SLC30A5: variants seen among roughly 807,000 people sequenced by gnomAD.
The protein encoded by SLC30A5 is proton-coupled zinc antiporter SLC30A5.
SLC30A5 carries 33 observed loss-of-function variants against 79.6 expected under a neutral mutation model. The ratio of observed to expected loss-of-function variants is 0.41; its 90% CI spans 0.31 to 0.55. SLC30A5 has a LOEUF of 0.55. Among genes scored for constraint, SLC30A5 ranks in the 20% least tolerant of loss-of-function variants. The pLI, the probability that SLC30A5 is intolerant of heterozygous loss-of-function variation, is 0.20. For synonymous variants in SLC30A5, 299 were observed against 319.7 expected, an observed-to-expected ratio of 0.94 and a Z score of 0.69; for missense variants, 788 against 928.1, an observed-to-expected ratio of 0.85 and a Z score of 1.96.
chr5:69,126,834 T>C (rs1746709499), intron 14 of SLC30A5, among the ~76,000 whole-genome samples: 1 of 149,356 alleles, frequency 6.7e-6, no homozygotes, highest in Non-Finnish European at 1.5e-5. Context: ...TGTATATATA[T>C]CCATTGCAGA....
chr5:69,116,486 G>C lies in SLC30A5; in HGVS notation c.1165G>C (p.Gly389Arg), dbSNP rs1406160780. Residue 389 changes from glycine to arginine, a missense_variant, in exon 10 of 16, where the codon GGT becomes CGT. By Grantham distance (125) the Gly-to-Arg change is moderately radical. Around this residue, in one of 3 missense-constraint regions of SLC30A5, gnomAD observed 626 missense variants for 755.5 expected, o/e 0.83. Transcript: ENST00000396591. This position sits in a 1 kb window ranked among gnomAD's most constrained non-coding sequence, Gnocchi z 4.0. The stretch of plus-strand genomic sequence containing the variant: ...AGGAACACCTCTTTATAACTTCATG[G>C]GTGATGCTTTTCAGCATAGCTCTCA... ...PEGTPLYNFMGDAFQHSSQSI... is the reference protein window; with the variant it reads ...PEGTPLYNFMRDAFQHSSQSI... 1 of 1,612,420 alleles carries C rather than the reference G, an allele frequency of 6.2e-7. No individual in the cohort carries two copies. The highest frequency in any genetic ancestry group is 1.1e-5 in the South Asian group (1 of 90,736).
At chr5:69,121,571 G>A in intron 12 of SLC30A5, 123 bp from the exon 13 acceptor site, 1 of 672,122 alleles carries the variant, frequency 1.5e-6, no homozygotes, top group Non-Finnish European at 2.4e-6. Flanking sequence ...ACTTAGTAAG[G>A]TTTTACTGTG....
chr5:69,118,685 A>G (rs965021931), intron 12 of SLC30A5, 57 bp downstream of exon 12: 92 of 1,437,464 alleles, frequency 6.4e-5, no homozygotes, highest in Non-Finnish European at 8.3e-5. Flanking sequence ...AGTTTTTTCT[A>G]TCCTAAAGTT....
chr5:69,110,565 A>C (rs989470376), intron 5 of SLC30A5, among the ~76,000 whole-genome samples: 2 of 152,212 alleles, frequency 1.3e-5, no homozygotes, highest in Admixed American at 6.5e-5. Flanking sequence ...TGGATTGAAG[A>C]GCTTTGTGAG....
chr5:69,097,109 C>CTTTTTTT (rs1228027917), intron 1 of SLC30A5, among the ~76,000 whole-genome samples: 1,267 of 87,892 alleles, frequency 0.014, 5 homozygotes, highest in African/African-American at 0.019. Context: ...CTCTCTTTTT[C>CTTTTTTT]TTTTTTTTTT....
At position 69,125,539 on chromosome 5, in the gene SLC30A5, CA is replaced by C. The variant is rs1327986153; in HGVS notation, c.1998+2125del. Among the ~76,000 whole-genome samples, 58 of 96,300 alleles carry C rather than the reference CA, an allele frequency of 6.0e-4. 1 individual carries two copies. Among genetic ancestry groups the C allele is most frequent in the Admixed American group, 1.1e-3 (10 of 9,200 alleles). 63.2% of individuals were successfully genotyped at this position (96,300 alleles called of 152,430 possible). ...GCGAGACTCTGTCCTTCCCCACACA[CA>C]AAAAAAAAAATTAGGCCTGGCACGG... On this transcript the variant is annotated intron_variant, in intron 14 of 15. Transcript: ENST00000396591.
chr5:69,128,148 TA>T lies in SLC30A5; in HGVS notation c.2127+19del. The T allele has an allele frequency of 6.3e-7, 1 of 1,596,608 alleles. No homozygotes were observed. The highest frequency in any genetic ancestry group is 1.7e-4 in the Middle Eastern group (1 of 5,974). On this transcript the variant is annotated intron_variant, in intron 15 of 15. Transcript: ENST00000396591. ...AGTACAGCAGGTAATCTTTTGTTTTTAAAGTAATTTTAATTGAGGTCATTCA... is the reference window on the plus strand; with the variant it reads ...AGTACAGCAGGTAATCTTTTGTTTTTAAGTAATTTTAATTGAGGTCATTCA...
At chr5:69,097,454 TCCTTTCTTCCCCTTC>T (rs917170772) in intron 1 of SLC30A5, among the ~76,000 whole-genome samples, 1 of 152,022 alleles carries the variant, frequency 6.6e-6, no homozygotes, top group Non-Finnish European at 1.5e-5. Context: ...CTTCATTCCT[TCCTTTCTTCCCCTTC>T]CCTTTCTTTT....
rs1228027917 is a variant in SLC30A5 at position 69,097,109 on chromosome 5, C to CTTTTTTTT, written c.83+2788_83+2795dup. On this transcript the variant is annotated intron_variant, in intron 1 of 15. Coordinates refer to ENST00000396591, the MANE Select transcript of SLC30A5 (RefSeq NM_022902.5). ...TTGTTTCTTCCCTTCCTCTCTTTTTCTTTTTTTTTTTTTTTTTTTTTTTTG... is the reference window on the plus strand; with the variant it reads ...TTGTTTCTTCCCTTCCTCTCTTTTTCTTTTTTTTTTTTTTTTTTTTTTTTTTTTTTTTG... Among the ~76,000 whole-genome samples, 508 of 87,890 alleles carry CTTTTTTTT rather than the reference C, an allele frequency of 5.8e-3. 3 individuals are homozygous for CTTTTTTTT. Among genetic ancestry groups the CTTTTTTTT allele is most frequent in the Middle Eastern group, 8.5e-3 (1 of 118 alleles). 57.7% of individuals were successfully genotyped at this position (87,890 alleles called of 152,430 possible). A position where few individuals can be genotyped will look rare whatever the true frequency, so the allele number is the denominator to read the frequency against.
At chr5:69,123,133 G>A (rs1746579504) in intron 13 of SLC30A5, 66 bp from the exon 14 acceptor site, 3 of 1,066,502 alleles carry the variant, frequency 2.8e-6, no homozygotes, top group Non-Finnish European at 4.1e-6. Context: ...AATATTAGTA[G>A]AATGTATTAA....
chr5:69,109,990 G>A lies in SLC30A5; in HGVS notation c.447+1554G>A, dbSNP rs376321372. ...TATTCAGTATAGATTTAATGACAAA[G>A]GCCTTGAATCAACACGCTTTGTGGG... On this transcript the variant is annotated intron_variant, in intron 5 of 15. Transcript: ENST00000396591. 3.2e-4 allele frequency among the ~76,000 whole-genome samples: 49 copies of A among 152,268 alleles called. No homozygotes were observed. The South Asian group carries it at 9.9e-3, about 31-fold the overall frequency.
At chr5:69,109,872 G>A (rs1746184955) in intron 5 of SLC30A5, among the ~76,000 whole-genome samples, 2 of 152,168 alleles carry the variant, frequency 1.3e-5, no homozygotes, top group South Asian at 4.1e-4. Flanking sequence ...TAGTGAAGGA[G>A]TGGGCTAGGG....
chr5:69,128,250 CTTTTTTTT>C, intron 15 of SLC30A5, 118 bp downstream of exon 15: 2 of 286,484 alleles, frequency 7.0e-6, no homozygotes, highest in Non-Finnish European at 1.2e-5. Context: ...TCTTCCAACT[CTTTTTTTT>C]TTTTTTTTTT....
intron 2 of SLC30A5, among the ~76,000 whole-genome samples, chr5:69,101,551 A>G (rs1349002099): frequency 6.7e-6 from 1 of 148,768 alleles, no homozygotes; most frequent in Non-Finnish European, 1.5e-5. Context: ...TGCTGGGATT[A>G]CAGGCATGAG....
At chr5:69,118,098 A>G (rs1225950162) in intron 11 of SLC30A5, among the ~76,000 whole-genome samples, 2 of 147,242 alleles carry the variant, frequency 1.4e-5, no homozygotes. Flanking sequence ...AATGGTGTGA[A>G]CCCAGGAGGC....
chr5:69,104,425 A>G, intron 3 of SLC30A5: 1 of 1,308,722 alleles, frequency 7.6e-7, no homozygotes, highest in Non-Finnish European at 9.7e-7. Context: ...TACAGGCATG[A>G]GCCACAGCAC....
intron 15 of SLC30A5, among the ~76,000 whole-genome samples, chr5:69,128,620 A>G (rs1746768177): frequency 1.3e-5 from 2 of 152,132 alleles, no homozygotes; most frequent in Admixed American, 6.6e-5. Context: ...TTTGTTTTAT[A>G]TCTAAAAATT....
intron 5 of SLC30A5, 44 bp from the exon 6 acceptor site, chr5:69,113,096 A>T (rs142388071): frequency 2.0e-6 from 3 of 1,497,062 alleles, no homozygotes; most frequent in South Asian, 2.3e-5. Context: ...TTAAAAATCA[A>T]CCCTTGAAAA....
Position 69,130,237 on chromosome 5 carries a change from T to C in SLC30A5, c.*620T>C, listed in dbSNP as rs1165283898. 2 of 152,208 alleles carry C rather than the reference T, an allele frequency of 1.3e-5. No homozygotes were observed. The highest frequency in any genetic ancestry group is 3.2e-3 in the Middle Eastern group (1 of 316). The allele number at this position is 152,208 out of a possible 1,614,324, so 9.4% of individuals were successfully genotyped here. A position where few individuals can be genotyped will look rare whatever the true frequency, so the allele number is the denominator to read the frequency against. Reference sequence around the variant, plus strand: ...GATGTATTACAAAAATCAACCACTCTATAAAATAAATTTTTTTTACTTTTG... The same window carrying C: ...GATGTATTACAAAAATCAACCACTCCATAAAATAAATTTTTTTTACTTTTG... On this transcript the variant is annotated 3_prime_UTR_variant, in exon 16 of 16. Coordinates refer to ENST00000396591, the MANE Select transcript of SLC30A5 (RefSeq NM_022902.5).
Sources: allele counts gnomAD v4.1 joint callset (sites outside exome capture counted in the v4.1 genomes callset), GRCh38; gene constraint gnomAD v4.1.1; regional missense constraint gnomAD v4.1.1; non-coding constraint Gnocchi (gnomAD v3.1); transcripts MANE v1.5; gene names NCBI Gene and HGNC (gene_info 2026-07-23, HGNC 2026-07-21).